Variants in BACH1 observed in about 807,000 individuals in gnomAD.
BACH1 encodes transcription regulator protein BACH1.
In BACH1, 35 loss-of-function variants were observed where a neutral mutation model predicts 52.9. That is an observed-to-expected ratio of 0.66 (90% CI 0.51 to 0.88). The LOEUF (loss-of-function observed/expected upper bound fraction) is 0.88. Among genes scored for constraint, BACH1 ranks in the 40% least tolerant of loss-of-function variants. The probability of loss-of-function intolerance (pLI) is 0.00; values close to 1 mark genes in which losing one functional copy is unlikely to be tolerated. For missense variants in BACH1, 808 were observed against 872.6 expected (o/e 0.93, Z 0.93); for synonymous variants, 321 against 319.6 (o/e 1.00, Z -0.05).
At chr21:29,324,556 T>TTTGTG (rs974377139) in intron 2 of BACH1, among the ~76,000 whole-genome samples, 5 of 145,222 alleles carry the variant, frequency 3.4e-5, no homozygotes, top group African/African-American at 1.3e-4. Context: ...TGGATGTACC[T>TTTGTG]TGTGTGTGTG....
chr21:29,327,507 G>A, intron 3 of BACH1, 114 bp downstream of exon 3: 1 of 1,384,344 alleles, frequency 7.2e-7, no homozygotes, highest in Non-Finnish European at 9.7e-7. Context: ...GAGTGGGGAG[G>A]AAACTCATAC....
chr21:29,318,276 G>A (rs887327400), intron 1 of BACH1, among the ~76,000 whole-genome samples: 3 of 152,220 alleles, frequency 2.0e-5, no homozygotes, highest in African/African-American at 7.2e-5. Flanking sequence ...TGCTGATGCC[G>A]ATGGAGAGAG....
At chr21:29,316,399 G>C (rs1725696121) in intron 1 of BACH1, among the ~76,000 whole-genome samples, 1 of 152,120 alleles carries the variant, frequency 6.6e-6, no homozygotes, top group South Asian at 2.1e-4. Flanking sequence ...GAATGAATTG[G>C]CAATTTCCTA....
At chr21:29,313,018 A>G (rs1268020470) in intron 1 of BACH1, among the ~76,000 whole-genome samples, 1 of 152,248 alleles carries the variant, frequency 6.6e-6, no homozygotes, top group African/African-American at 2.4e-5. Context: ...AAGTAAAACC[A>G]CAGTGAGATA....
chr21:29,355,526 T>C (rs1285919137), intron 2 of BACH1, among the ~76,000 whole-genome samples: 1 of 152,194 alleles, frequency 6.6e-6, no homozygotes, highest in Non-Finnish European at 1.5e-5. Flanking sequence ...CTGCTCTAGC[T>C]ACTTCCTGCT....
At chr21:29,359,132 T>A (rs902927827) in intron 2 of BACH1, 2 of 152,080 alleles carry the variant, frequency 1.3e-5, no homozygotes, top group African/African-American at 4.8e-5. Flanking sequence ...ATAGCATTTA[T>A]CATAGTAAAT....
intron 2 of BACH1, among the ~76,000 whole-genome samples, chr21:29,353,491 G>C (rs903075847): frequency 3.9e-5 from 6 of 152,106 alleles, no homozygotes; most frequent in Non-Finnish European, 8.8e-5. Flanking sequence ...TCCCCTCTCT[G>C]TTCCTCCAAC....
In BACH1 at chr21:29,326,687, C is replaced by G. The variant is rs2088916028; in HGVS notation, c.863C>G (p.Pro288Arg). The G allele has an allele frequency of 6.2e-7, 1 of 1,614,138 alleles. No individual in the cohort carries two copies. The highest frequency in any genetic ancestry group is 8.5e-7 in the Non-Finnish European group (1 of 1,180,026). The change falls in exon 3 of 5, where the codon CCT (proline) becomes CGT (arginine). Residue 288 changes from proline to arginine, a missense_variant. Physicochemically the swap from Pro to Arg is moderately radical, Grantham distance 103 (BLOSUM62 -2). Transcript: ENST00000286800. ...KCDESKLAME[P>R]EETKKDPASQ... ...GACGAAAGTAAATTAGCAATGGAAC[C>G]TGAAGAAACGAAGAAAGATCCTGCT...
At chr21:29,341,304 T>C (rs574000230) in intron 4 of BACH1, among the ~76,000 whole-genome samples, 21 of 152,350 alleles carry the variant, frequency 1.4e-4, no homozygotes, top group Non-Finnish European at 2.4e-4. Flanking sequence ...CTCCAGAACC[T>C]GTCAATGAAC....
intron 1 of BACH1, among the ~76,000 whole-genome samples, chr21:29,320,639 A>T (rs1569012212): frequency 6.6e-6 from 1 of 152,168 alleles, no homozygotes; most frequent in Non-Finnish European, 1.5e-5. Context: ...GGCTTGACAC[A>T]TTTCAGTCAT....
intron 1 of BACH1, among the ~76,000 whole-genome samples, chr21:29,304,647 C>T (rs899119335): frequency 1.3e-5 from 2 of 152,000 alleles, no homozygotes; most frequent in African/African-American, 4.8e-5. Context: ...AAATGTCCCT[C>T]CCTCCCCCTA....
At chr21:29,334,160 C>G (rs890491686) in intron 4 of BACH1, among the ~76,000 whole-genome samples, 1 of 150,740 alleles carries the variant, frequency 6.6e-6, no homozygotes, top group Admixed American at 6.6e-5. Flanking sequence ...GGCTGGAGGT[C>G]GGTCTTGGCT....
chr21:29,328,544 G>GT (rs1161741637), intron 3 of BACH1, among the ~76,000 whole-genome samples: 5 of 149,750 alleles, frequency 3.3e-5, no homozygotes, highest in South Asian at 2.1e-4. Context: ...GGCTTTATTT[G>GT]TTTTTTGTAA....
intron 1 of BACH1, among the ~76,000 whole-genome samples, chr21:29,317,329 T>C (rs555108289): frequency 1.3e-4 from 20 of 152,358 alleles, no homozygotes; most frequent in African/African-American, 4.3e-4. Flanking sequence ...TTCAGCAGCA[T>C]GTACCTGTGT....
chr21:29,329,695 T>C lies in BACH1; in HGVS notation c.1776+2T>C. 6.6e-7 allele frequency: 1 copy of C among 1,514,864 alleles called. No homozygotes were observed. The highest frequency in any genetic ancestry group is 8.8e-7 in the Non-Finnish European group (1 of 1,131,980). The allele number at this position is 1,514,864 out of a possible 1,614,324, so 93.8% of individuals were successfully genotyped here. ...CTTGAATCAGAAATTGAGAAGCTGG[T>C]AAGTGTAAAAGTTTCTTGTTACTAT... On this transcript the variant is annotated splice_donor_variant, in intron 4 of 4. Coordinates refer to ENST00000286800, the MANE Select transcript of BACH1 (RefSeq NM_001186.4). LOFTEE classifies it high-confidence loss of function.
chr21:29,329,048 C>T (rs1415208349), intron 3 of BACH1, among the ~76,000 whole-genome samples: 1 of 152,148 alleles, frequency 6.6e-6, no homozygotes, highest in Non-Finnish European at 1.5e-5. Flanking sequence ...TGGCTCATGC[C>T]TGTAATCCCA....
chr21:29,320,678 C>G (rs1253458472), intron 1 of BACH1, among the ~76,000 whole-genome samples: 1 of 152,122 alleles, frequency 6.6e-6, no homozygotes, highest in African/African-American at 2.4e-5. Context: ...GGAACTTTAC[C>G]TTTTGTAGAA....
At chr21:29,335,843 C>T (rs1186419354) in intron 4 of BACH1, among the ~76,000 whole-genome samples, 1 of 152,138 alleles carries the variant, frequency 6.6e-6, no homozygotes, top group African/African-American at 2.4e-5. Context: ...GTCCTGCTGT[C>T]TTGCTGGCTG....
chr21:29,326,424 A>G lies in BACH1; in HGVS notation c.600A>G (p.Gln200=). The stretch of plus-strand genomic sequence containing the variant: ...ATGCAAAAGCCTCACCTCCTCTACA[A>G]GACAGTGCCAGTCAGACATATGAGT... ...QGNAKASPPL[Q]DSASQTYESM... Residue 200 remains glutamine (Q), a synonymous_variant, in exon 3 of 5, where the codon CAA becomes CAG. Transcript: ENST00000286800. The G allele has an allele frequency of 4.3e-6, 7 of 1,614,224 alleles. No homozygotes were observed. The highest frequency in any genetic ancestry group is 2.2e-5 in the East Asian group (1 of 44,884).
Sources: allele counts gnomAD v4.1 joint callset (sites outside exome capture counted in the v4.1 genomes callset), GRCh38; gene constraint gnomAD v4.1.1; transcripts MANE v1.5; gene names NCBI Gene and HGNC (gene_info 2026-07-23, HGNC 2026-07-21).